Variants in FHIT observed in about 807,000 individuals in gnomAD.
FHIT encodes fragile histidine triad diadenosine triphosphatase.
Under a neutral mutation model 17.9 loss-of-function variants are expected in FHIT, and 19 were observed. The ratio of observed to expected loss-of-function variants is 1.06; its 90% CI spans 0.74 to 1.56. FHIT has a LOEUF of 1.56. Ranked by LOEUF, FHIT falls within the 40% of genes most tolerant of loss-of-function variation. The pLI, the probability that FHIT is intolerant of heterozygous loss-of-function variation, is 0.00. For missense variants in FHIT, 248 were observed against 189.2 expected (o/e 1.31, Z -1.82); for synonymous variants, 81 against 69.7 (o/e 1.16, Z -0.81).
At chr3:60,923,449 A>G (rs183066553) in intron 3 of FHIT, among the ~76,000 whole-genome samples, 34 of 152,354 alleles carry the variant, frequency 2.2e-4, no homozygotes, top group Non-Finnish European at 4.9e-4. Context: ...AAGCATTTTA[A>G]ATAGTGACCA....
chr3:61,046,707 C>G (rs187033111), intron 2 of FHIT, among the ~76,000 whole-genome samples: 1 of 152,238 alleles, frequency 6.6e-6, no homozygotes, highest in Non-Finnish European at 1.5e-5. Context: ...ACTTTTAGAC[C>G]AATACCCCTG....
At chr3:61,211,368 G>A (rs538125729) in intron 1 of FHIT, among the ~76,000 whole-genome samples, 7 of 152,310 alleles carry the variant, frequency 4.6e-5, no homozygotes, top group South Asian at 2.1e-4. Context: ...CACCTGGCTC[G>A]AAGGGTCCTA....
chr3:60,150,773 G>C (rs1259641696), intron 5 of FHIT, among the ~76,000 whole-genome samples: 2 of 152,078 alleles, frequency 1.3e-5, no homozygotes, highest in Non-Finnish European at 2.9e-5. Flanking sequence ...TAAAAACTTA[G>C]CCAAGCATGG....
chr3:60,656,752 A>T (rs540739536), intron 4 of FHIT, among the ~76,000 whole-genome samples: 3 of 152,310 alleles, frequency 2.0e-5, no homozygotes, highest in East Asian at 3.9e-4. Context: ...AACTATGTAC[A>T]TTCTTTCAGA....
At chr3:60,482,360 C>A (rs969956534) in intron 5 of FHIT, among the ~76,000 whole-genome samples, 4 of 152,116 alleles carry the variant, frequency 2.6e-5, no homozygotes, top group African/African-American at 9.7e-5. Flanking sequence ...ACTCCCTACC[C>A]CAACGCAACA....
At chr3:60,661,309 T>C (rs1205168460) in intron 4 of FHIT, among the ~76,000 whole-genome samples, 5 of 152,200 alleles carry the variant, frequency 3.3e-5, no homozygotes, top group Non-Finnish European at 7.4e-5. Context: ...AATATTTGCT[T>C]TTCCATTCCT....
chr3:59,823,582 A>G (rs2106669469), intron 8 of FHIT, among the ~76,000 whole-genome samples: 1 of 151,866 alleles, frequency 6.6e-6, no homozygotes, highest in South Asian at 2.1e-4. Context: ...ACAAAAACAG[A>G]ATTAAAAAAA....
At chr3:59,889,160 A>C (rs1703746515) in intron 8 of FHIT, among the ~76,000 whole-genome samples, 1 of 152,212 alleles carries the variant, frequency 6.6e-6, no homozygotes, top group African/African-American at 2.4e-5. Context: ...CCTTTGTCTT[A>C]ATTTTTCCCT....
chr3:60,425,001 T>C (rs1262602721), intron 5 of FHIT, among the ~76,000 whole-genome samples: 2 of 152,090 alleles, frequency 1.3e-5, no homozygotes, highest in African/African-American at 4.8e-5. Context: ...ACTTTTGCAA[T>C]AAGCGTGGGG....
chr3:60,169,365 T>A (rs1326895872), intron 5 of FHIT, among the ~76,000 whole-genome samples: 1 of 152,174 alleles, frequency 6.6e-6, no homozygotes, highest in Non-Finnish European at 1.5e-5. Context: ...ACATCCATCA[T>A]TGCATAGGGC....
intron 8 of FHIT, among the ~76,000 whole-genome samples, chr3:59,768,951 C>T (rs1366227560): frequency 1.3e-5 from 2 of 152,178 alleles, no homozygotes; most frequent in Admixed American, 6.5e-5. Context: ...AACTTACTTA[C>T]AAAGAATCAG....
chr3:60,484,008 A>T (rs561160673), intron 5 of FHIT, among the ~76,000 whole-genome samples: 1 of 152,250 alleles, frequency 6.6e-6, no homozygotes, highest in South Asian at 2.1e-4. Flanking sequence ...ATGTGCAAAA[A>T]TCACAAGCAT....
chr3:60,439,849 G>A (rs984901705), intron 5 of FHIT, among the ~76,000 whole-genome samples: 8 of 152,054 alleles, frequency 5.3e-5, no homozygotes, highest in Admixed American at 1.3e-4. Flanking sequence ...TTGTTCAAAA[G>A]TACACCCCTT....
intron 4 of FHIT, among the ~76,000 whole-genome samples, chr3:60,743,156 C>G (rs1163828905): frequency 6.6e-6 from 1 of 152,202 alleles, no homozygotes; most frequent in African/African-American, 2.4e-5. Context: ...AGCTGGGCAA[C>G]TGGCTGAGGT....
At chr3:60,098,310 G>C (rs912255119) in intron 5 of FHIT, among the ~76,000 whole-genome samples, 17 of 146,510 alleles carry the variant, frequency 1.2e-4, no homozygotes, top group Non-Finnish European at 1.6e-4. Flanking sequence ...CACAATGGTT[G>C]AACTAGTTTA....
At chr3:60,292,644 C>A (rs1361186260) in intron 5 of FHIT, among the ~76,000 whole-genome samples, 1 of 151,982 alleles carries the variant, frequency 6.6e-6, no homozygotes, top group Non-Finnish European at 1.5e-5. Flanking sequence ...ACTAAATTGC[C>A]GGCCAAGATA....
At chr3:60,976,598 A>G (rs1463357101) in intron 3 of FHIT, among the ~76,000 whole-genome samples, 2 of 152,210 alleles carry the variant, frequency 1.3e-5, no homozygotes, top group Non-Finnish European at 2.9e-5. Flanking sequence ...ACCTGGTGGT[A>G]TCAACTGTTG....
intron 2 of FHIT, among the ~76,000 whole-genome samples, chr3:61,187,837 T>G (rs371081373): frequency 2.0e-5 from 3 of 152,158 alleles, no homozygotes; most frequent in Non-Finnish European, 4.4e-5. Flanking sequence ...GACTACTGAG[T>G]ACATCACGAA....
chr3:60,227,422 C>A (rs568011601), intron 5 of FHIT, among the ~76,000 whole-genome samples: 1 of 152,240 alleles, frequency 6.6e-6, no homozygotes, highest in South Asian at 2.1e-4. Context: ...GAAATGAAAG[C>A]TTCCTGAATC....
Sources: gnomAD v4.1 joint callset for allele counts (sites outside exome capture counted in the v4.1 genomes callset) on GRCh38, gnomAD v4.1.1 for gene constraint, MANE v1.5 for transcripts, NCBI Gene and HGNC (gene_info 2026-07-23, HGNC 2026-07-21) for gene names.